Variants in DNAH12 observed in about 807,000 individuals in gnomAD.
DNAH12 encodes dynein axonemal heavy chain 12.
Under a neutral mutation model 371.5 loss-of-function variants are expected in DNAH12, and 285 were observed. The observed-to-expected ratio is 0.77, with a 90% confidence interval of 0.70 to 0.85. DNAH12 has a LOEUF of 0.85. Ranked by LOEUF, DNAH12 falls within the 40% of genes least tolerant of loss-of-function variation. The pLI is 0.00. For missense variants in DNAH12, 3,611 were observed against 3,689.4 expected (o/e 0.98, Z 0.55); for synonymous variants, 1,200 against 1,213.0 (o/e 0.99, Z 0.22).
rs891453084 is a variant in DNAH12 at position 57,381,718 on chromosome 3, G to A, written c.7992+544C>T. The stretch of plus-strand genomic sequence containing the variant: ...CAGGGCACATGCTTTTAACAACTTT[G>A]CTATACTGCTTAACTCAGATGTTTT... On this transcript the variant is annotated intron_variant, in intron 50 of 73. Coordinates refer to ENST00000495027, the MANE Select transcript of DNAH12 (RefSeq NM_001366028.2). 8.5e-3 allele frequency among the ~76,000 whole-genome samples: 1,294 copies of A among 152,046 alleles called. 25 individuals are homozygous for A. The highest frequency in any genetic ancestry group is 0.028 in the African/African-American group (1,166 of 41,460).
intron 2 of DNAH12, among the ~76,000 whole-genome samples, chr3:57,538,031 C>T (rs1395771603): frequency 6.6e-6 from 1 of 152,008 alleles, no homozygotes; most frequent in Non-Finnish European, 1.5e-5. Flanking sequence ...AGTTTGAAAT[C>T]CAAGGAGAAT....
At chr3:57,378,900 A>G (rs1178966788) in intron 52 of DNAH12, among the ~76,000 whole-genome samples, 1 of 152,192 alleles carries the variant, frequency 6.6e-6, no homozygotes, top group Admixed American at 6.5e-5. Context: ...TCCTAAAGCT[A>G]TAAGTAAATC....
Position 57,389,798 on chromosome 3 carries a change from A to ATGTGTG in DNAH12, c.7305+2068_7305+2073dup, listed in dbSNP as rs1211815764. ...TATACATATAAATATATATACACAT[A>ATGTGTG]TGTGTGTGTGTGTGTGTGTGTGTGT... On this transcript the variant is annotated intron_variant, in intron 45 of 73. Coordinates refer to ENST00000495027, the MANE Select transcript of DNAH12 (RefSeq NM_001366028.2). Among the ~76,000 whole-genome samples, 560 of 92,430 alleles carry ATGTGTG rather than the reference A, an allele frequency of 6.1e-3. 16 individuals carry two copies. Among genetic ancestry groups the ATGTGTG allele is most frequent in the African/African-American group, 0.012 (371 of 29,956 alleles). 60.6% of individuals were successfully genotyped at this position (92,430 alleles called of 152,430 possible).
intron 5 of DNAH12, among the ~76,000 whole-genome samples, chr3:57,509,738 T>C (rs1466372621): frequency 1.3e-5 from 2 of 151,750 alleles, no homozygotes. Flanking sequence ...GGCAGGCGCC[T>C]GTAGTCCCAG....
At chr3:57,376,128 G>A (rs911593856) in intron 53 of DNAH12, among the ~76,000 whole-genome samples, 163 bp from the exon 54 acceptor site, 5 of 151,742 alleles carry the variant, frequency 3.3e-5, no homozygotes, top group African/African-American at 9.7e-5. Context: ...GCTCTTATAC[G>A]CTATAACATG....
At chr3:57,403,154 C>T (rs1435864971) in intron 43 of DNAH12, among the ~76,000 whole-genome samples, 155 bp downstream of exon 43, 1 of 152,132 alleles carries the variant, frequency 6.6e-6, no homozygotes, top group African/African-American at 2.4e-5. Context: ...GCACTCAGGA[C>T]AGAACTCAAC....
Position 57,537,638 on chromosome 3 carries a change from T to A in DNAH12, c.170+5063A>T, listed in dbSNP as rs139620120. 1.7e-3 allele frequency among the ~76,000 whole-genome samples: 265 copies of A among 151,974 alleles called. 1 individual carries two copies. Among genetic ancestry groups the A allele is most frequent in the African/African-American group, 5.4e-3 (224 of 41,448 alleles). On this transcript the variant is annotated intron_variant, in intron 2 of 73. Coordinates refer to ENST00000495027, the MANE Select transcript of DNAH12 (RefSeq NM_001366028.2). ...CAGAAAGATATGTTTGCAGTTTTTT[T>A]AAAAAACCTTTAATTTTATCAGGTA... is the stretch of plus-strand genomic sequence containing the variant.
In DNAH12 at chr3:57,341,226, T is replaced by G. The variant is rs925595524; in HGVS notation, c.9675-6286A>C. Among the ~76,000 whole-genome samples, 83 of 152,220 alleles carry G rather than the reference T, an allele frequency of 5.5e-4. 1 individual carries two copies. The highest frequency in any genetic ancestry group is 2.0e-3 in the African/African-American group (83 of 41,536). On this transcript the variant is annotated intron_variant, in intron 60 of 73. Transcript: ENST00000495027. ...CTCTCATCACTCTTATTCAACATATTAATAGTACTGAAAGTCTTAGCCAGA... is the reference window on the plus strand; with the variant it reads ...CTCTCATCACTCTTATTCAACATATGAATAGTACTGAAAGTCTTAGCCAGA...
intron 2 of DNAH12, among the ~76,000 whole-genome samples, chr3:57,539,535 A>G (rs2069183778): frequency 6.6e-6 from 1 of 151,168 alleles, no homozygotes; most frequent in Admixed American, 6.6e-5. Flanking sequence ...CTCTCCTTAC[A>G]TATTACCTCC....
At chr3:57,423,642 C>A (rs979424021) in intron 35 of DNAH12, among the ~76,000 whole-genome samples, 2 of 152,060 alleles carry the variant, frequency 1.3e-5, no homozygotes, top group Non-Finnish European at 2.9e-5. Context: ...CATGGGAAAC[C>A]AGCATAGACC....
At chr3:57,348,742 C>G in intron 60 of DNAH12, among the ~76,000 whole-genome samples, 1 of 152,140 alleles carries the variant, frequency 6.6e-6, no homozygotes, top group Non-Finnish European at 1.5e-5. Flanking sequence ...GAGTGACATA[C>G]TATGTTCTTA....
chr3:57,335,141 A>G (rs1466250707), intron 60 of DNAH12, among the ~76,000 whole-genome samples: 1 of 152,170 alleles, frequency 6.6e-6, no homozygotes, highest in African/African-American at 2.4e-5. Flanking sequence ...GTGGCCTCTG[A>G]GAGAAGAGAG....
chr3:57,507,432 TC>T (rs2153392788), intron 8 of DNAH12, among the ~76,000 whole-genome samples: 1 of 152,334 alleles, frequency 6.6e-6, no homozygotes, highest in African/African-American at 2.4e-5. Flanking sequence ...AAGTAATTAC[TC>T]ATAATACTAA....
chr3:57,494,044 G>A (rs565375561), intron 11 of DNAH12, among the ~76,000 whole-genome samples: 6 of 152,258 alleles, frequency 3.9e-5, no homozygotes, highest in African/African-American at 1.2e-4. Context: ...ACCAGCCTGA[G>A]CAATATAGTG....
At chr3:57,551,045 T>C in the DNAH12 span, among the ~76,000 whole-genome samples, 72 of 150,386 alleles carry the variant, frequency 4.8e-4, no homozygotes, top group East Asian at 0.013. Context: ...CTTTTGTATT[T>C]TTAGTAGAGA....
intron 40 of DNAH12, among the ~76,000 whole-genome samples, chr3:57,407,010 T>C (rs553453641): frequency 2.8e-4 from 42 of 152,212 alleles, no homozygotes; most frequent in African/African-American, 8.9e-4. Flanking sequence ...GTGATTCTCC[T>C]GCCTCAGCCT....
intron 13 of DNAH12, among the ~76,000 whole-genome samples, chr3:57,481,321 T>C (rs1235352738): frequency 6.6e-6 from 1 of 152,164 alleles, no homozygotes; most frequent in Non-Finnish European, 1.5e-5. Context: ...CCATTCACAA[T>C]TGCTTCAAAG....
chr3:57,324,900 G>A (rs898470731), intron 62 of DNAH12, among the ~76,000 whole-genome samples: 3 of 152,178 alleles, frequency 2.0e-5, no homozygotes, highest in Admixed American at 2.0e-4. Context: ...CTTAAAAAAC[G>A]GCACACCAGG....
In DNAH12 at chr3:57,310,907, G is replaced by A; in HGVS notation, c.10706C>T (p.Ser3569Phe). The change falls in exon 67 of 74, where the codon TCT (serine) becomes TTT (phenylalanine). Residue 3569 changes from serine (S) to phenylalanine (F), a missense_variant. Ser to Phe is a radical substitution (Grantham distance 155, BLOSUM62 -2). Around this residue, in one of 3 missense-constraint regions of DNAH12, gnomAD observed 2,266 missense variants for 2,236.9 expected, o/e 1.01. Coordinates refer to ENST00000495027, the MANE Select transcript of DNAH12 (RefSeq NM_001366028.2). ...EYDTIPFEAISYLTGECNYGG... is the reference protein window; with the variant it reads ...EYDTIPFEAIFYLTGECNYGG... Reference sequence around the variant, plus strand: ...ATAATTACACTCCCCAGTCAGGTAAGATATAGCTTCAAATGGAATTGTATC... The same window carrying A: ...ATAATTACACTCCCCAGTCAGGTAAAATATAGCTTCAAATGGAATTGTATC... The A allele has an allele frequency of 6.4e-7, 1 of 1,551,470 alleles. No homozygotes were observed. The highest frequency in any genetic ancestry group is 8.7e-7 in the Non-Finnish European group (1 of 1,146,852).
Sources: gnomAD v4.1 joint callset for allele counts (sites outside exome capture counted in the v4.1 genomes callset) on GRCh38, gnomAD v4.1.1 for gene constraint, gnomAD v4.1.1 regional missense constraint, MANE v1.5 for transcripts, NCBI Gene and HGNC (gene_info 2026-07-23, HGNC 2026-07-21) for gene names.